The following ATP8A2 variants were observed in gnomAD, a reference collection of about 807,000 sequenced individuals.
ATP8A2 encodes ATPase phospholipid transporting 8A2, also known as phospholipid-transporting ATPase IB.
ATP8A2 carries 100 observed loss-of-function variants against 165.6 expected under a neutral mutation model. The ratio of observed to expected loss-of-function variants is 0.60; its 90% CI spans 0.51 to 0.71. ATP8A2 has a LOEUF of 0.71. Among genes scored for constraint, ATP8A2 ranks in the 30% least tolerant of loss-of-function variants. The probability of loss-of-function intolerance (pLI) is 0.00; values close to 1 mark genes in which losing one functional copy is unlikely to be tolerated. For synonymous variants in ATP8A2, 543 were observed against 548.8 expected (o/e 0.99, Z 0.15); for missense variants, 1,227 against 1,479.5 (o/e 0.83, Z 2.80).
rs149885902 is a variant in ATP8A2, at chr13:25,916,690, C to G, written c.3184-44885C>G. ...AGGAAATCGAAGCCCAGAAAAGGGT[C>G]ACTTTTTGTAGCTTTTGGCCTGTAA... is the stretch of plus-strand genomic sequence containing the variant. On this transcript the variant is annotated intron_variant, in intron 33 of 36. Coordinates refer to ENST00000381655, the MANE Select transcript of ATP8A2 (RefSeq NM_016529.6). Among the ~76,000 whole-genome samples, 1,391 of 152,280 alleles carry G rather than the reference C, an allele frequency of 9.1e-3. 29 individuals carry two copies. Among genetic ancestry groups the G allele is most frequent in the African/African-American group, 0.031 (1,302 of 41,560 alleles).
chr13:25,606,280 G>A (rs1258418715), intron 24 of ATP8A2, among the ~76,000 whole-genome samples: 2 of 152,208 alleles, frequency 1.3e-5, no homozygotes, highest in Non-Finnish European at 2.9e-5. Flanking sequence ...GCCATAGGAG[G>A]TGAACCATGA....
chr13:25,835,137 G>A (rs9578924), intron 28 of ATP8A2, among the ~76,000 whole-genome samples: 3,834 of 152,154 alleles, frequency 0.025, 164 homozygotes, highest in African/African-American at 0.085. Context: ...AGACTGCCAC[G>A]TAAACAGCAG....
intron 25 of ATP8A2, among the ~76,000 whole-genome samples, chr13:25,700,645 G>T (rs553804100): frequency 6.6e-6 from 1 of 152,126 alleles, no homozygotes; most frequent in African/African-American, 2.4e-5. Context: ...TGACTGTTAC[G>T]TGTAATGCTA....
At chr13:25,851,449 G>C (rs9511948) in intron 30 of ATP8A2, among the ~76,000 whole-genome samples, 17,915 of 152,082 alleles carry the variant, frequency 0.12, 1,435 homozygotes, top group Non-Finnish European at 0.18. Context: ...CAGGCATGGT[G>C]GTGGGCACCT....
chr13:25,658,930 A>G (rs1467776890), intron 24 of ATP8A2, among the ~76,000 whole-genome samples: 1 of 152,190 alleles, frequency 6.6e-6, no homozygotes, highest in Non-Finnish European at 1.5e-5. Flanking sequence ...TGAGCTGTGG[A>G]TGAAGGGTAT....
chr13:25,482,867 C>A (rs544158434), intron 2 of ATP8A2, among the ~76,000 whole-genome samples: 1 of 152,302 alleles, frequency 6.6e-6, no homozygotes, highest in African/African-American at 2.4e-5. Context: ...TGTGAGGCTT[C>A]CCCAGCCATG....
intron 24 of ATP8A2, among the ~76,000 whole-genome samples, chr13:25,590,809 C>T (rs546373266): frequency 1.3e-5 from 2 of 152,126 alleles, no homozygotes; most frequent in Non-Finnish European, 2.9e-5. Flanking sequence ...TAACTCCTAT[C>T]GTGAACACCA....
intron 18 of ATP8A2, among the ~76,000 whole-genome samples, chr13:25,574,325 G>T (rs193120537): frequency 6.6e-6 from 1 of 152,270 alleles, no homozygotes; most frequent in Non-Finnish European, 1.5e-5. Context: ...TTATTTGGCA[G>T]CAAAACCTAA....
In ATP8A2 at chr13:25,750,646, A is replaced by G. The variant is rs1225107944; in HGVS notation, c.2385-18400A>G. Among the ~76,000 whole-genome samples, 1 of 152,130 alleles carries G rather than the reference A, an allele frequency of 6.6e-6. No individual in the cohort carries two copies. Among genetic ancestry groups the G allele is most frequent in the Non-Finnish European group, 1.5e-5 (1 of 68,026 alleles). ...GAGTGTGTTCCAGTAATAGGGAGGA[A>G]GTGTGGGGAGCCTGGGGGCCCTGTC... On this transcript the variant is annotated intron_variant, in intron 25 of 36. Coordinates refer to ENST00000381655, the MANE Select transcript of ATP8A2 (RefSeq NM_016529.6). This position sits in a 1 kb window ranked among gnomAD's most constrained non-coding sequence, Gnocchi z 4.3.
intron 24 of ATP8A2, among the ~76,000 whole-genome samples, chr13:25,653,674 C>T (rs746843575): frequency 4.6e-5 from 7 of 152,080 alleles, no homozygotes; most frequent in Non-Finnish European, 5.9e-5. Flanking sequence ...GAGAGCAGAC[C>T]GCACACAATG....
Position 25,849,520 on chromosome 13 carries a change from C to T in ATP8A2, c.2956+9896C>T, listed in dbSNP as rs183466005. On this transcript the variant is annotated intron_variant, in intron 30 of 36. Coordinates refer to ENST00000381655, the MANE Select transcript of ATP8A2 (RefSeq NM_016529.6). The stretch of plus-strand genomic sequence containing the variant: ...AATAAGTTCCTTGATCATTTTGTCT[C>T]TTTAGAAAATGAGACATGCTTTTCT... Among the ~76,000 whole-genome samples, 21 of 152,296 alleles carry T rather than the reference C, an allele frequency of 1.4e-4. No individual in the cohort carries two copies. In the East Asian group the frequency reaches 3.9e-3, roughly 28 times the overall value.
intron 27 of ATP8A2, among the ~76,000 whole-genome samples, chr13:25,804,226 G>C (rs1950680832): frequency 6.6e-6 from 1 of 152,130 alleles, no homozygotes; most frequent in Non-Finnish European, 1.5e-5. Context: ...GTAAGGAATG[G>C]CCGTTTTAAT....
chr13:25,577,704 A>G (rs981909101), intron 20 of ATP8A2, among the ~76,000 whole-genome samples: 13 of 152,280 alleles, frequency 8.5e-5, no homozygotes, highest in African/African-American at 2.9e-4. Context: ...CAAAGGAAAG[A>G]TGTTATTGCT....
At chr13:25,548,870 A>G (rs1164849689) in intron 10 of ATP8A2, among the ~76,000 whole-genome samples, 1 of 152,192 alleles carries the variant, frequency 6.6e-6, no homozygotes, top group Admixed American at 6.5e-5. Context: ...GGGAGATAGT[A>G]TTTTTGGTTT....
Position 25,576,609 on chromosome 13 carries a change from C to T in ATP8A2, c.1713-460C>T, listed in dbSNP as rs187604185. 2.0e-4 allele frequency among the ~76,000 whole-genome samples: 31 copies of T among 152,090 alleles called. No individual in the cohort carries two copies. The East Asian group carries it at 5.0e-3, about 25-fold the overall frequency. ...TTGGTGCTAAATTGGGAGTGTTCTG[C>T]GGGTTTGTGATTTCTTTCTACTCCA... On this transcript the variant is annotated intron_variant, in intron 19 of 36. Transcript: ENST00000381655.
rs750081551 is a variant in ATP8A2, at chr13:25,571,684, A to G, written c.1654A>G (p.Ile552Val). The change falls in exon 18 of 37, where the codon ATA becomes GTA. Residue 552 changes from isoleucine (I) to valine (V), a missense_variant. By Grantham distance (29) the Ile-to-Val change is conservative. This residue lies in a region of ATP8A2 where 592 missense variants were observed against 785.6 expected (regional missense o/e 0.75). Transcript: ENST00000381655. ...AGCCAGAACACCATTCTCAGTCATC[A>G]TAGAAGCGGTGAGTAACATGCGTGT... ...FTARTPFSVI[I>V]EAMGQEQTFG... The G allele has an allele frequency of 6.8e-6, 11 of 1,613,894 alleles. No individual in the cohort carries two copies. The South Asian group carries it at 1.2e-4, about 18-fold the overall frequency.
chr13:25,892,432 A>G (rs1332961679), intron 33 of ATP8A2, among the ~76,000 whole-genome samples: 1 of 145,642 alleles, frequency 6.9e-6, no homozygotes, highest in Non-Finnish European at 1.5e-5. Flanking sequence ...GTTAAAAGGC[A>G]ATGGAAACAA....
chr13:25,394,222 A>G (rs1414210650), intron 1 of ATP8A2, among the ~76,000 whole-genome samples: 4 of 152,182 alleles, frequency 2.6e-5, no homozygotes, highest in South Asian at 4.1e-4. Context: ...GTGTGATTAG[A>G]CATGTCTGCC....
chr13:25,925,304 G>A (rs1015077526), intron 33 of ATP8A2, among the ~76,000 whole-genome samples: 1 of 152,130 alleles, frequency 6.6e-6, no homozygotes, highest in Non-Finnish European at 1.5e-5. Flanking sequence ...GGAGGCCAAG[G>A]CAGGCAGACC....
Sources: gnomAD v4.1 joint callset for allele counts (sites outside exome capture counted in the v4.1 genomes callset) on GRCh38, gnomAD v4.1.1 for gene constraint, gnomAD v4.1.1 regional missense constraint, Gnocchi (gnomAD v3.1) non-coding constraint, MANE v1.5 for transcripts, NCBI Gene and HGNC (gene_info 2026-07-23, HGNC 2026-07-21) for gene names.